AHI1: variants seen among roughly 807,000 people sequenced by gnomAD.
AHI1 encodes jouberin.
AHI1 carries 123 observed loss-of-function variants against 149.3 expected under a neutral mutation model. The observed-to-expected ratio is 0.82, with a 90% CI of 0.71 to 0.96. The LOEUF (loss-of-function observed/expected upper bound fraction) is 0.96, where lower values mean the gene tolerates loss of function less well. AHI1 is among the 40% of genes least tolerant of loss of function. AHI1 has a pLI of 0.00. For missense variants in AHI1, 1,439 were observed against 1,422.7 expected (o/e 1.01, Z -0.18); for synonymous variants, 475 against 459.8 (o/e 1.03, Z -0.42).
intron 26 of AHI1, among the ~76,000 whole-genome samples, chr6:135,308,469 C>A (rs951837903): frequency 2.6e-5 from 4 of 152,174 alleles, no homozygotes; most frequent in African/African-American, 9.7e-5. Context: ...CTCCTGAGCT[C>A]AAGCGATCCA....
At chr6:135,318,807 T>C (rs2128376973) in intron 25 of AHI1, among the ~76,000 whole-genome samples, 191 bp from the exon 26 acceptor site, 1 of 152,386 alleles carries the variant, frequency 6.6e-6, no homozygotes, top group Non-Finnish European at 1.5e-5. Flanking sequence ...AAAAGAACTA[T>C]GATTGGAAAA....
intron 24 of AHI1, among the ~76,000 whole-genome samples, chr6:135,331,378 C>T (rs188568691): frequency 2.6e-5 from 4 of 152,276 alleles, no homozygotes; most frequent in Admixed American, 2.6e-4. Flanking sequence ...ATCATGGTCT[C>T]AGTGTCACTG....
chr6:135,457,772 C>T (rs1789213243), intron 8 of AHI1, 59 bp from the exon 9 acceptor site: 15 of 1,447,600 alleles, frequency 1.0e-5, no homozygotes, highest in Non-Finnish European at 1.4e-5. Context: ...GTAGTATTTA[C>T]ATATAACCTA....
chr6:135,490,116 A>G (rs1432515029), intron 5 of AHI1: 1 of 712,520 alleles, frequency 1.4e-6, no homozygotes, highest in African/African-American at 1.8e-5. Context: ...GTCTTTGAGC[A>G]CTGTATTTTT....
chr6:135,401,476 C>T lies in AHI1; in HGVS notation c.2988+3475G>A, dbSNP rs549894472. ...TGTAGAAGGGCAAAAACTTATGTAA[C>T]GGACACTTGGGAAAAATTTATTATC... On this transcript the variant is annotated intron_variant, in intron 22 of 28. Transcript: ENST00000265602. Among the ~76,000 whole-genome samples the T allele has an allele frequency of 5.9e-4, 90 of 152,198 alleles. 1 individual carries two copies. The highest frequency in any genetic ancestry group is 6.3e-4 in the Non-Finnish European group (43 of 67,998).
intron 15 of AHI1, among the ~76,000 whole-genome samples, chr6:135,433,737 T>C (rs1784987562): frequency 6.6e-6 from 1 of 151,990 alleles, no homozygotes; most frequent in African/African-American, 2.4e-5. Flanking sequence ...AAAGCCTAGA[T>C]AGTAAAAATG....
At chr6:135,396,207 A>C (rs1441576296) in intron 22 of AHI1, among the ~76,000 whole-genome samples, 3 of 151,800 alleles carry the variant, frequency 2.0e-5, no homozygotes, top group Non-Finnish European at 4.4e-5. Context: ...GTCAAATACC[A>C]CATCAGTCCT....
chr6:135,436,070 C>A (rs184065800), intron 15 of AHI1, among the ~76,000 whole-genome samples: 2 of 151,998 alleles, frequency 1.3e-5, no homozygotes, highest in Non-Finnish European at 2.9e-5. Flanking sequence ...CAAATGGAAA[C>A]GTGTAATAGG....
At chr6:135,356,668 AT>A (rs1490558483) in intron 24 of AHI1, among the ~76,000 whole-genome samples, 3 of 152,162 alleles carry the variant, frequency 2.0e-5, no homozygotes, top group Non-Finnish European at 4.4e-5. Context: ...CCATTCTTTA[AT>A]TTTTTAATAC....
At chr6:135,301,294 A>G (rs1463120555) in intron 26 of AHI1, 1 of 976,586 alleles carries the variant, frequency 1.0e-6, no homozygotes, top group Admixed American at 6.1e-5. Flanking sequence ...ATAAATTGTT[A>G]CTATGTTTAA....
chr6:135,410,148 C>T (rs1007007736), intron 21 of AHI1, among the ~76,000 whole-genome samples: 1 of 152,126 alleles, frequency 6.6e-6, no homozygotes, highest in African/African-American at 2.4e-5. Context: ...CTGCTGACTG[C>T]TTGAGGCTAG....
rs1782398013 is a variant in AHI1, at chr6:135,291,885, G to A, written c.3486-1360C>T. Among the ~76,000 whole-genome samples the A allele has an allele frequency of 2.0e-5, 3 of 152,096 alleles. No individual in the cohort carries two copies. In the South Asian group the frequency reaches 6.2e-4, roughly 32 times the overall value. Reference sequence around the variant, plus strand: ...AATCTATATTCTAGACTGATAAGGTGAATAAGGGAAGCAAGCCAAAGATAA... The same window carrying A: ...AATCTATATTCTAGACTGATAAGGTAAATAAGGGAAGCAAGCCAAAGATAA... On this transcript the variant is annotated intron_variant, in intron 27 of 28. Transcript: ENST00000265602.
chr6:135,433,164 C>CT lies in AHI1; in HGVS notation c.2128dup (p.Arg710LysfsTer10). On this transcript the variant is annotated frameshift_variant, in exon 16 of 29. Transcript: ENST00000265602. LOFTEE classifies it high-confidence loss of function. ...ATAGCATCCTGTAACTACTAGCTCT[C>CT]TTACAGCTGGATGGAATTTAGCCGT... 1.2e-6 allele frequency: 2 copies of CT among 1,613,050 alleles called. No homozygotes were observed. The highest frequency in any genetic ancestry group is 1.7e-6 in the Non-Finnish European group (2 of 1,179,130).
chr6:135,394,454 T>A (rs1170976920), intron 23 of AHI1, among the ~76,000 whole-genome samples: 1 of 152,068 alleles, frequency 6.6e-6, no homozygotes, highest in East Asian at 1.9e-4. Flanking sequence ...CATGGGATTA[T>A]CCATCTATGA....
intron 21 of AHI1, among the ~76,000 whole-genome samples, chr6:135,410,807 A>C (rs943188064): frequency 7.9e-5 from 12 of 152,196 alleles, no homozygotes; most frequent in African/African-American, 2.9e-4. Flanking sequence ...TTCTTATAGC[A>C]AAGCATTTTA....
intron 24 of AHI1, among the ~76,000 whole-genome samples, chr6:135,351,492 G>C (rs929347176): frequency 6.6e-6 from 1 of 152,122 alleles, no homozygotes. Flanking sequence ...CGTGACTAAA[G>C]ACAAACACAG....
rs376845101 is a variant in AHI1, at chr6:135,285,609, G to C, written c.*36C>G. On this transcript the variant is annotated 3_prime_UTR_variant, in exon 29 of 29. Transcript: ENST00000265602. ...CATTTGGTTTGTCATTTTCACCTCT[G>C]TGCATTTCGGCAGCTCTTAACTTTT... 6.2e-7 allele frequency: 1 copy of C among 1,604,794 alleles called. No homozygotes were observed. Among genetic ancestry groups the C allele is most frequent in the African/African-American group, 1.3e-5 (1 of 74,652 alleles).
chr6:135,481,747 C>T (rs1166101467), intron 5 of AHI1, among the ~76,000 whole-genome samples: 1 of 146,802 alleles, frequency 6.8e-6, no homozygotes, highest in Non-Finnish European at 1.5e-5. Flanking sequence ...GGTTTACTGA[C>T]AAATTCTTTC....
At chr6:135,372,050 CT>C (rs1159522252) in intron 23 of AHI1, among the ~76,000 whole-genome samples, 1 of 152,176 alleles carries the variant, frequency 6.6e-6, no homozygotes, top group African/African-American at 2.4e-5. Flanking sequence ...GTCTATACAC[CT>C]GGAAGAAATG....
Sources: gnomAD v4.1 joint callset for allele counts (sites outside exome capture counted in the v4.1 genomes callset) on GRCh38, gnomAD v4.1.1 for gene constraint, MANE v1.5 for transcripts, NCBI Gene and HGNC (gene_info 2026-07-23, HGNC 2026-07-21) for gene names.